TJP1: variants seen among roughly 807,000 people sequenced by gnomAD.
TJP1 encodes the protein tight junction protein ZO-1.
In TJP1, 43 loss-of-function variants were observed where a neutral mutation model predicts 194.2. The observed-to-expected ratio is 0.22, with a 90% CI of 0.17 to 0.29. TJP1 has a LOEUF of 0.29. Among genes scored for constraint, TJP1 ranks in the 10% least tolerant of loss-of-function variants. The probability of loss-of-function intolerance (pLI) is 1.00; values close to 1 mark genes in which losing one functional copy is unlikely to be tolerated. For missense variants in TJP1, 1,971 were observed against 2,185.7 expected, an observed-to-expected ratio of 0.90 and a Z score of 1.96; for synonymous variants, 801 against 779.0, an observed-to-expected ratio of 1.03 and a Z score of -0.47.
rs574873957 is a variant in TJP1 at position 29,732,286 on chromosome 15, G to A, written c.2017+147C>T. 9 of 681,536 alleles carry A rather than the reference G, an allele frequency of 1.3e-5. No individual in the cohort carries two copies. The African/African-American group carries it at 1.6e-4, about 12-fold the overall frequency. 42.2% of individuals were successfully genotyped at this position (681,536 alleles called of 1,614,324 possible). A position where few individuals can be genotyped will look rare whatever the true frequency, so the allele number is the denominator to read the frequency against. ...GTGGAACAAGGACATGGTCACTGGG[G>A]TTTTCTCACCAAATTAAAAGAATGG... On this transcript the variant is annotated intron_variant, in intron 15 of 27. Coordinates refer to ENST00000614355, the MANE Select transcript of TJP1 (RefSeq NM_001330239.4).
At chr15:29,771,431 T>C (rs1191534867) in intron 4 of TJP1, among the ~76,000 whole-genome samples, 1 of 152,198 alleles carries the variant, frequency 6.6e-6, no homozygotes, top group East Asian at 1.9e-4. Context: ...GTCAGATATG[T>C]GGTCTGTTGT....
At chr15:29,925,199 T>TA (rs1484303513) in intron 2 of TJP1, among the ~76,000 whole-genome samples, 1 of 152,262 alleles carries the variant, frequency 6.6e-6, no homozygotes, top group Non-Finnish European at 1.5e-5. Context: ...CACAAGCTGT[T>TA]ACACTTTCTG....
intron 2 of TJP1, among the ~76,000 whole-genome samples, chr15:29,779,281 C>T (rs1371176143): frequency 1.3e-5 from 2 of 152,178 alleles, no homozygotes; most frequent in African/African-American, 2.4e-5. Context: ...GTGATACTGC[C>T]ATTTTTCAAA....
intron 2 of TJP1, among the ~76,000 whole-genome samples, chr15:29,882,649 C>T (rs1015051261): frequency 2.6e-5 from 4 of 152,188 alleles, no homozygotes; most frequent in Non-Finnish European, 5.9e-5. Flanking sequence ...AAATGAAGAG[C>T]AACTGCATCT....
At chr15:29,864,062 C>T (rs2052201070) in intron 2 of TJP1, among the ~76,000 whole-genome samples, 1 of 151,802 alleles carries the variant, frequency 6.6e-6, no homozygotes, top group South Asian at 2.1e-4. Flanking sequence ...TTGTCTTCAA[C>T]TGGTATCTTT....
chr15:29,887,735 A>G (rs962871003), intron 2 of TJP1, among the ~76,000 whole-genome samples: 1 of 152,252 alleles, frequency 6.6e-6, no homozygotes, highest in African/African-American at 2.4e-5. Context: ...TATTTTTTAA[A>G]TACACTTAAA....
intron 2 of TJP1, among the ~76,000 whole-genome samples, chr15:29,914,421 A>G (rs2054118476): frequency 6.6e-6 from 1 of 152,146 alleles, no homozygotes; most frequent in Admixed American, 6.5e-5. Flanking sequence ...GCCTGGAGAA[A>G]GCCAGGCAGC....
intron 11 of TJP1, among the ~76,000 whole-genome samples, chr15:29,735,217 A>G (rs922004146): frequency 2.7e-5 from 4 of 147,568 alleles, no homozygotes; most frequent in African/African-American, 1.0e-4. Flanking sequence ...TTAAAAAAGA[A>G]AAAAAAAAAC....
At chr15:29,774,145 G>A (rs1432437039) in intron 2 of TJP1, among the ~76,000 whole-genome samples, 2 of 152,098 alleles carry the variant, frequency 1.3e-5, no homozygotes, top group African/African-American at 4.8e-5. Flanking sequence ...GAATCATTAA[G>A]CCAGAAATGT....
rs757359101 is a variant in TJP1, at chr15:29,742,708, GATC to G, written c.1081_1083del (p.Asp361del). 22 of 1,608,204 alleles carry G rather than the reference GATC, an allele frequency of 1.4e-5. No homozygotes were observed. Among genetic ancestry groups the G allele is most frequent in the Non-Finnish European group, 1.8e-5 (21 of 1,177,618 alleles). ...ACTTCTTCCACTGTTTTAGGTGTGT[GATC>G]ATCAGCATGCTTTACAGGAGTTGAG... is the stretch of plus-strand genomic sequence containing the variant. On this transcript the variant is annotated inframe_deletion, in exon 9 of 28. Coordinates refer to ENST00000614355, the MANE Select transcript of TJP1 (RefSeq NM_001330239.4).
At chr15:29,738,570 G>A (rs1018396596) in intron 10 of TJP1, among the ~76,000 whole-genome samples, 2 of 152,008 alleles carry the variant, frequency 1.3e-5, no homozygotes, top group African/African-American at 4.8e-5. Flanking sequence ...CTGGCTGGTG[G>A]CATCCTTGAT....
intron 4 of TJP1, among the ~76,000 whole-genome samples, chr15:29,771,804 C>CAA (rs761453592): frequency 1.7e-4 from 15 of 90,684 alleles, no homozygotes; most frequent in South Asian, 7.0e-4. Flanking sequence ...GACTCCGTCT[C>CAA]AAAAAAAAAA....
At chr15:29,949,869 C>T (rs1209987889) in intron 2 of TJP1, among the ~76,000 whole-genome samples, 3 of 99,980 alleles carry the variant, frequency 3.0e-5, no homozygotes. Flanking sequence ...ACCACCACCT[C>T]CACCTCCACA....
Position 29,700,644 on chromosome 15 carries a change from A to G in TJP1, c.*951T>C, listed in dbSNP as rs1048137552. The G allele has an allele frequency of 3.0e-5, 11 of 366,238 alleles. No homozygotes were observed. Among genetic ancestry groups the G allele is most frequent in the Middle Eastern group, 6.9e-4 (1 of 1,440 alleles). The allele number at this position is 366,238 out of a possible 1,614,324, so 22.7% of individuals were successfully genotyped here. ...AGAACAAAAGTGGTATGCACGCATT[A>G]TGTACAAGCATCCTTAAAACATCAA... On this transcript the variant is annotated 3_prime_UTR_variant, in exon 28 of 28. Coordinates refer to ENST00000614355, the MANE Select transcript of TJP1 (RefSeq NM_001330239.4).
At chr15:29,797,135 A>G (rs1292479957) in intron 2 of TJP1, among the ~76,000 whole-genome samples, 1 of 152,156 alleles carries the variant, frequency 6.6e-6, no homozygotes, top group Non-Finnish European at 1.5e-5. Context: ...AACAAACTGG[A>G]CTTTATCAAA....
chr15:29,888,569 G>A (rs1322847204), intron 2 of TJP1, among the ~76,000 whole-genome samples: 1 of 152,162 alleles, frequency 6.6e-6, no homozygotes, highest in African/African-American at 2.4e-5. Context: ...ATATTAAAGA[G>A]TCCTTCTCAT....
chr15:29,942,980 C>T (rs917139829), intron 2 of TJP1, among the ~76,000 whole-genome samples: 1 of 152,114 alleles, frequency 6.6e-6, no homozygotes, highest in South Asian at 2.1e-4. Context: ...GCACACATAC[C>T]AAGGATACAA....
intron 2 of TJP1, among the ~76,000 whole-genome samples, chr15:29,857,795 C>T (rs1367515145): frequency 6.6e-6 from 1 of 152,106 alleles, no homozygotes; most frequent in Non-Finnish European, 1.5e-5. Flanking sequence ...GAGTTTCACT[C>T]TTGTTGCCCA....
At chr15:29,755,989 A>T (rs2337171) in intron 8 of TJP1, among the ~76,000 whole-genome samples, 20,027 of 151,974 alleles carry the variant, frequency 0.13, 1,407 homozygotes, top group South Asian at 0.15. Flanking sequence ...TCTAACATAC[A>T]ATGTTAGAGG....
Sources: gnomAD v4.1 joint callset for allele counts (sites outside exome capture counted in the v4.1 genomes callset) on GRCh38, gnomAD v4.1.1 for gene constraint, MANE v1.5 for transcripts, NCBI Gene and HGNC (gene_info 2026-07-23, HGNC 2026-07-21) for gene names.